SGMS2: variants seen among roughly 807,000 people sequenced by gnomAD.
The protein encoded by SGMS2 is phosphatidylcholine:ceramide cholinephosphotransferase 2.
A neutral mutation model predicts 43.8 loss-of-function variants in SGMS2; 21 were observed. That is an observed-to-expected ratio of 0.48 (90% confidence interval 0.34 to 0.69). The LOEUF (loss-of-function observed/expected upper bound fraction) is 0.69. SGMS2 is among the 30% of genes least tolerant of loss of function. SGMS2 has a pLI of 0.01. For synonymous variants in SGMS2, 167 were observed against 160.6 expected, an observed-to-expected ratio of 1.04 and a Z score of -0.30; for missense variants, 384 against 443.2, an observed-to-expected ratio of 0.87 and a Z score of 1.20.
chr4:107,873,500 T>C (rs1323088828), intron 2 of SGMS2: 1 of 152,078 alleles, frequency 6.6e-6, no homozygotes, highest in East Asian at 1.9e-4. Context: ...ACTGACTTAA[T>C]GTGCAAAGAA....
chr4:107,843,851 AT>A (rs1449267858), intron 1 of SGMS2, among the ~76,000 whole-genome samples: 4 of 152,240 alleles, frequency 2.6e-5, no homozygotes, highest in Non-Finnish European at 5.9e-5. Flanking sequence ...AGATGTTTTC[AT>A]TTAAAATCAC....
At chr4:107,871,824 T>C (rs1178006018) in intron 2 of SGMS2, among the ~76,000 whole-genome samples, 2 of 152,218 alleles carry the variant, frequency 1.3e-5, no homozygotes, top group Non-Finnish European at 2.9e-5. Context: ...GTTAGATATT[T>C]GATAGCTTTA....
chr4:107,832,944 C>T (rs1725971816), intron 1 of SGMS2, among the ~76,000 whole-genome samples: 2 of 152,130 alleles, frequency 1.3e-5, no homozygotes, highest in Admixed American at 1.3e-4. Context: ...GGGAGGTTTG[C>T]TTTATCCTGG....
chr4:107,875,268 A>C (rs879650401), intron 2 of SGMS2, among the ~76,000 whole-genome samples: 7 of 152,226 alleles, frequency 4.6e-5, no homozygotes, highest in Admixed American at 1.3e-4. Context: ...GTGGCCATTG[A>C]TGATAGACTG....
At chr4:107,898,133 A>C (rs1420759175) in intron 3 of SGMS2, among the ~76,000 whole-genome samples, 1 of 152,132 alleles carries the variant, frequency 6.6e-6, no homozygotes, top group Non-Finnish European at 1.5e-5. Flanking sequence ...AAGGGAAGAA[A>C]CTCAGCACTG....
rs1196123888 is a variant in SGMS2, at chr4:107,825,038, G to C, written c.-542G>C. On this transcript the variant is annotated 5_prime_UTR_variant, in exon 1 of 7. Coordinates refer to ENST00000690982, the MANE Select transcript of SGMS2 (RefSeq NM_001375905.1). ...CGCCGAGTGCGGCCTCGGGGGCGGC[G>C]GCCGCGGGAGGGACCCGGAGAGCTG... The C allele has an allele frequency of 1.3e-5, 2 of 151,978 alleles. No individual in the cohort carries two copies. Among genetic ancestry groups the C allele is most frequent in the African/African-American group, 4.8e-5 (2 of 41,386 alleles). The allele number at this position is 151,978 out of a possible 1,614,324, so 9.4% of individuals were successfully genotyped here. A position where few individuals can be genotyped will look rare whatever the true frequency, so the allele number is the denominator to read the frequency against.
Position 107,895,857 on chromosome 4 carries a change from G to A in SGMS2, c.304G>A (p.Glu102Lys), listed in dbSNP as rs1452495083. 1 of 1,613,942 alleles carries A rather than the reference G, an allele frequency of 6.2e-7. No individual in the cohort carries two copies. The highest frequency in any genetic ancestry group is 1.7e-5 in the Admixed American group (1 of 59,972). Residue 102 changes from glutamate (E) to lysine (K), a missense_variant, in exon 3 of 7, where the codon GAG becomes AAG. Coordinates refer to ENST00000690982, the MANE Select transcript of SGMS2 (RefSeq NM_001375905.1). ...LTTVMITVVH[E>K]RVPPKELSPP... ...AACCGTCATGATCACAGTTGTACAT[G>A]AGAGGGTCCCTCCCAAGGAGCTTAG...
intron 1 of SGMS2, among the ~76,000 whole-genome samples, chr4:107,846,330 T>A (rs1397433088): frequency 6.9e-6 from 1 of 144,132 alleles, no homozygotes; most frequent in East Asian, 2.1e-4. Context: ...TTCTCATTGT[T>A]CAATTCCCAT....
chr4:107,883,796 A>G (rs745841244), intron 2 of SGMS2, among the ~76,000 whole-genome samples: 10 of 152,200 alleles, frequency 6.6e-5, no homozygotes, highest in Non-Finnish European at 1.3e-4. Context: ...ATAAAATAGG[A>G]TAACTGAATA....
intron 2 of SGMS2, among the ~76,000 whole-genome samples, chr4:107,876,518 A>T (rs1728923496): frequency 6.6e-6 from 1 of 152,222 alleles, no homozygotes; most frequent in Admixed American, 6.5e-5. Flanking sequence ...ATGTTTCAAG[A>T]AGTCATTTTT....
chr4:107,882,517 G>T (rs1021480637), intron 2 of SGMS2, among the ~76,000 whole-genome samples: 5 of 151,994 alleles, frequency 3.3e-5, no homozygotes, highest in African/African-American at 1.2e-4. Context: ...CTTGTCAGAT[G>T]GATAGTTTGT....
chr4:107,868,642 C>T (rs941409529), intron 2 of SGMS2, among the ~76,000 whole-genome samples: 5 of 151,944 alleles, frequency 3.3e-5, no homozygotes, highest in Admixed American at 3.3e-4. Flanking sequence ...TGCTTGAACC[C>T]AGGAGGAGGA....
chr4:107,901,162 C>T (rs1303101475), intron 4 of SGMS2, among the ~76,000 whole-genome samples: 1 of 152,194 alleles, frequency 6.6e-6, no homozygotes, highest in Admixed American at 6.5e-5. Flanking sequence ...TACAAATAGT[C>T]ATAGTGGAAC....
chr4:107,882,685 A>G (rs1729455726), intron 2 of SGMS2, among the ~76,000 whole-genome samples: 1 of 152,150 alleles, frequency 6.6e-6, no homozygotes. Context: ...GCTGAGAACT[A>G]TTATGTTGTG....
chr4:107,894,999 G>A (rs1730546779), intron 2 of SGMS2, among the ~76,000 whole-genome samples: 1 of 152,136 alleles, frequency 6.6e-6, no homozygotes, highest in South Asian at 2.1e-4. Context: ...TTAGCAACAA[G>A]TGATAGTGTC....
intron 1 of SGMS2, among the ~76,000 whole-genome samples, chr4:107,837,440 G>A (rs1352724348): frequency 2.0e-5 from 3 of 152,142 alleles, no homozygotes; most frequent in Non-Finnish European, 4.4e-5. Flanking sequence ...AACCTGTGGA[G>A]GGAAAAAGCG....
intron 1 of SGMS2, among the ~76,000 whole-genome samples, chr4:107,828,063 C>T (rs1725695007): frequency 6.6e-6 from 1 of 152,092 alleles, no homozygotes; most frequent in Non-Finnish European, 1.5e-5. Flanking sequence ...AGAGGATTAT[C>T]CTTGTATGAG....
At chr4:107,908,376 G>T (rs1287870827) in intron 5 of SGMS2, 189 bp from the exon 6 acceptor site, 4 of 551,388 alleles carry the variant, frequency 7.3e-6, no homozygotes, top group African/African-American at 5.6e-5. Context: ...CTGCCAGGGA[G>T]CCCCTCTGCC....
intron 2 of SGMS2, among the ~76,000 whole-genome samples, chr4:107,868,703 G>A (rs991202397): frequency 6.6e-6 from 1 of 151,724 alleles, no homozygotes; most frequent in African/African-American, 2.4e-5. Context: ...GGGCGACAAA[G>A]TGAGACTTTG....
Sources: gnomAD v4.1 joint callset for allele counts (sites outside exome capture counted in the v4.1 genomes callset) on GRCh38, gnomAD v4.1.1 for gene constraint, MANE v1.5 for transcripts, NCBI Gene and HGNC (gene_info 2026-07-23, HGNC 2026-07-21) for gene names.